Variants in PCDHGA9 observed in about 807,000 individuals in gnomAD.
PCDHGA9 encodes protocadherin gamma-A9.
Under a neutral mutation model 62.5 loss-of-function variants are expected in PCDHGA9, and 37 were observed. The ratio of observed to expected loss-of-function variants is 0.59; its 90% CI spans 0.46 to 0.78. The LOEUF (loss-of-function observed/expected upper bound fraction) is 0.78. Among genes scored for constraint, PCDHGA9 ranks in the 30% least tolerant of loss-of-function variants. The pLI is 0.00. For synonymous variants in PCDHGA9, 459 were observed against 484.6 expected, an observed-to-expected ratio of 0.95 and a Z score of 0.69; for missense variants, 1,138 against 1,166.2, an observed-to-expected ratio of 0.98 and a Z score of 0.35.
At chr5:141,415,476 G>A (rs765634887) in intron 1 of PCDHGA9, 1 of 1,614,076 alleles carries the variant, frequency 6.2e-7, no homozygotes. Context: ...CCGCGGACTC[G>A]CGAAAGAGTC....
intron 1 of PCDHGA9, among the ~76,000 whole-genome samples, chr5:141,462,030 T>C (rs1283795051): frequency 3.9e-5 from 6 of 152,122 alleles, no homozygotes; most frequent in Non-Finnish European, 8.8e-5. Flanking sequence ...TTCATGTTGG[T>C]CAGGCGGGTC....
intron 1 of PCDHGA9, chr5:141,433,069 C>T (rs561950316): frequency 2.5e-6 from 4 of 1,614,080 alleles, no homozygotes; most frequent in African/African-American, 1.3e-5. Context: ...ACCTGATCTT[C>T]CCCCAGCCCA....
At chr5:141,444,670 C>G (rs1174911888) in intron 1 of PCDHGA9, among the ~76,000 whole-genome samples, 1 of 152,052 alleles carries the variant, frequency 6.6e-6, no homozygotes, top group African/African-American at 2.4e-5. Context: ...CCATTTTTTT[C>G]AATACCATTT....
Position 141,474,403 on chromosome 5 carries a change from C to T in PCDHGA9, c.2425-20404C>T, listed in dbSNP as rs553745731. ...ATTTCTGCATTTCTAACAAGCTCCC[C>T]GGTGATGCCTAGACCATTGGTCCTC... is the stretch of plus-strand genomic sequence containing the variant. On this transcript the variant is annotated intron_variant, in intron 1 of 3. Coordinates refer to ENST00000573521, the MANE Select transcript of PCDHGA9 (RefSeq NM_018921.3). Among the ~76,000 whole-genome samples, 121 of 152,282 alleles carry T rather than the reference C, an allele frequency of 7.9e-4. 1 individual carries two copies. Among genetic ancestry groups the T allele is most frequent in the Admixed American group, 3.9e-3 (59 of 15,292 alleles).
intron 1 of PCDHGA9, chr5:141,407,979 T>G: frequency 1.3e-6 from 1 of 748,940 alleles, no homozygotes; most frequent in Non-Finnish European, 2.0e-6. Context: ...ACGCCGGGGA[T>G]CCGTCAGCCT....
chr5:141,486,271 C>T lies in PCDHGA9; in HGVS notation c.2425-8536C>T. 1 of 1,614,086 alleles carries T rather than the reference C, an allele frequency of 6.2e-7. No homozygotes were observed. Among genetic ancestry groups the T allele is most frequent in the Non-Finnish European group, 8.5e-7 (1 of 1,179,994 alleles). ...CCCTCCCCGAGAGTGCAGAACCTGG[C>T]ACTGTGGTGGCACTTATCAGTGTGC... On this transcript the variant is annotated intron_variant, in intron 1 of 3. Coordinates refer to ENST00000573521, the MANE Select transcript of PCDHGA9 (RefSeq NM_018921.3). The surrounding 1 kb of genome is among the most constrained non-coding windows in gnomAD (Gnocchi z 5.0).
intron 1 of PCDHGA9, chr5:141,423,751 G>GGC: frequency 2.9e-6 from 1 of 349,040 alleles, no homozygotes; most frequent in African/African-American, 6.5e-5. Context: ...AAAACTGTTT[G>GGC]GGGGGGGGGT....
intron 1 of PCDHGA9, among the ~76,000 whole-genome samples, chr5:141,463,542 G>A (rs1376087953): frequency 7.1e-6 from 1 of 141,810 alleles, no homozygotes; most frequent in African/African-American, 2.6e-5. Context: ...TCCGGCTCCC[G>A]GGTTCATGCC....
chr5:141,432,642 C>T lies in PCDHGA9; in HGVS notation c.2424+27266C>T, dbSNP rs746251093. 7.4e-6 allele frequency: 12 copies of T among 1,613,784 alleles called. No individual in the cohort carries two copies. The highest frequency in any genetic ancestry group is 2.7e-5 in the African/African-American group (2 of 75,056). ...GGTCTGCACACGGGCGAGGTGCGCA[C>T]GGCGCGAGCCCTGCTGGACAGAGAC... On this transcript the variant is annotated intron_variant, in intron 1 of 3. Coordinates refer to ENST00000573521, the MANE Select transcript of PCDHGA9 (RefSeq NM_018921.3). This position sits in a 1 kb window ranked among gnomAD's most constrained non-coding sequence, Gnocchi z 6.0.
rs771576875 is a variant in PCDHGA9, at chr5:141,404,979, G to A, written c.2027G>A (p.Gly676Asp). 6.2e-7 allele frequency: 1 copy of A among 1,613,994 alleles called. No homozygotes were observed. The highest frequency in any genetic ancestry group is 8.5e-7 in the Non-Finnish European group (1 of 1,179,890). The change falls in exon 1 of 4, where the codon GGC (glycine) becomes GAC (aspartate). Residue 676 changes from glycine to aspartate, a missense_variant. By Grantham distance (94) the Gly-to-Asp change is moderately conservative. Transcript: ENST00000573521. Reference protein sequence around the residue: ...DSIPDILADLGSLQIPADLEA... With the variant: ...DSIPDILADLDSLQIPADLEA... ...ATCCCAGACATCCTGGCTGACCTGG[G>A]CAGTCTTCAGATCCCTGCAGACCTG...
At chr5:141,457,864 C>T (rs962336979) in intron 1 of PCDHGA9, among the ~76,000 whole-genome samples, 5 of 152,166 alleles carry the variant, frequency 3.3e-5, no homozygotes, top group African/African-American at 4.8e-5. Flanking sequence ...CTTCACTGAC[C>T]ACAGGTTAGG....
intron 1 of PCDHGA9, chr5:141,423,851 C>A (rs1311833319): frequency 2.4e-6 from 3 of 1,275,940 alleles, no homozygotes; most frequent in East Asian, 3.1e-5. Context: ...TCTTTCAGAA[C>A]GTTTTTGTGA....
chr5:141,482,103 A>C (rs34394498), intron 1 of PCDHGA9, among the ~76,000 whole-genome samples: 2 of 142,250 alleles, frequency 1.4e-5, no homozygotes, highest in Non-Finnish European at 3.0e-5. Flanking sequence ...AAAAAAAAAA[A>C]AATATCTAGA....
At chr5:141,405,442 CAG>C in intron 1 of PCDHGA9, 66 bp downstream of exon 1, 1 of 1,378,150 alleles carries the variant, frequency 7.3e-7, no homozygotes, top group South Asian at 1.3e-5. Context: ...GTTTTTGAGA[CAG>C]AGTCTTACTC....
In PCDHGA9 at chr5:141,405,328, C is replaced by T. The variant is rs4912606; in HGVS notation, c.2376C>T (p.Cys792=). 0.041 allele frequency: 66,412 copies of T among 1,613,986 alleles called. 1,736 individuals carry two copies. The highest frequency in any genetic ancestry group is 0.046 in the Non-Finnish European group (54,765 of 1,179,828). The change falls in exon 1 of 4, where the codon TGC becomes TGT. Residue 792 remains cysteine, a synonymous_variant. Transcript: ENST00000573521. The part of the protein sequence containing the change: ...QQSCEKNEPL[C]VSVDSKFPIE... The stretch of plus-strand genomic sequence containing the variant: ...GCTGTGAGAAAAATGAGCCTTTGTG[C>T]GTCTCTGTTGATTCCAAGTTTCCTA...
rs1177173734 is a variant in PCDHGA9, at chr5:141,491,741, G to A, written c.2425-3066G>A. ...CCGCCCCGGGCGACCCCTGGGGGCG[G>A]CACTGGAGAAGCCGCCCGTCCTCAT... On this transcript the variant is annotated intron_variant, in intron 1 of 3. Coordinates refer to ENST00000573521, the MANE Select transcript of PCDHGA9 (RefSeq NM_018921.3). The surrounding 1 kb of genome is among the most constrained non-coding windows in gnomAD (Gnocchi z 6.9). 1.9e-6 allele frequency: 3 copies of A among 1,595,644 alleles called. No homozygotes were observed. In the South Asian group the frequency reaches 3.4e-5, roughly 18 times the overall value.
Position 141,491,302 on chromosome 5 carries a change from T to TC in PCDHGA9, c.2425-3504dup. The TC allele has an allele frequency of 6.2e-7, 1 of 1,614,126 alleles. No individual in the cohort carries two copies. Among genetic ancestry groups the TC allele is most frequent in the Non-Finnish European group, 8.5e-7 (1 of 1,180,000 alleles). On this transcript the variant is annotated intron_variant, in intron 1 of 3. Transcript: ENST00000573521. The surrounding 1 kb of genome is among the most constrained non-coding windows in gnomAD (Gnocchi z 6.9). ...CTTCCTCATACACCCTCCTGAGCGT[T>TC]CAGACCTTACCCTTTACCTCATTGT... is the stretch of plus-strand genomic sequence containing the variant.
chr5:141,403,367 G>A lies in PCDHGA9; in HGVS notation c.415G>A (p.Glu139Lys), dbSNP rs753470303. ...CCCAAAGTTCCAGGCCGAAAGTCTG[G>A]AAGTAAAAATTAACGAAATCGCGGT... ...SAPKFQAESL[E>K]VKINEIAVPG... The change falls in exon 1 of 4, where the codon GAA becomes AAA. Residue 139 changes from glutamate to lysine, a missense_variant. Transcript: ENST00000573521. 1 of 1,614,038 alleles carries A rather than the reference G, an allele frequency of 6.2e-7. No individual in the cohort carries two copies. The highest frequency in any genetic ancestry group is 1.1e-5 in the South Asian group (1 of 91,088).
rs183831513 is a variant in PCDHGA9 at position 141,497,605 on chromosome 5, T to A, written c.2483+2740T>A. ...CCCAAGCTGGAGTGCAGTGGTGCGA[T>A]CTTGGCTCACTGCAACCTCTGCCTG... On this transcript the variant is annotated intron_variant, in intron 2 of 3. Coordinates refer to ENST00000573521, the MANE Select transcript of PCDHGA9 (RefSeq NM_018921.3). Among the ~76,000 whole-genome samples, 19 of 151,488 alleles carry A rather than the reference T, an allele frequency of 1.3e-4. No individual in the cohort carries two copies. In the East Asian group the frequency reaches 3.7e-3, roughly 29 times the overall value.
Sources: gnomAD v4.1 joint callset for allele counts (sites outside exome capture counted in the v4.1 genomes callset) on GRCh38, gnomAD v4.1.1 for gene constraint, Gnocchi (gnomAD v3.1) non-coding constraint, MANE v1.5 for transcripts, NCBI Gene and HGNC (gene_info 2026-07-23, HGNC 2026-07-21) for gene names.